AUTS2: variants seen among roughly 807,000 people sequenced by gnomAD.
AUTS2 encodes the protein autism susceptibility gene 2 protein.
In AUTS2, 17 loss-of-function variants were observed where a neutral mutation model predicts 112.4. That is an observed-to-expected ratio of 0.15 (90% CI 0.10 to 0.23). AUTS2 has a LOEUF of 0.23. AUTS2 is among the 10% of genes least tolerant of loss of function. The probability of loss-of-function intolerance (pLI) is 1.00; values close to 1 mark genes in which losing one functional copy is unlikely to be tolerated. For synonymous variants in AUTS2, 751 were observed against 702.7 expected, an observed-to-expected ratio of 1.07 and a Z score of -1.09; for missense variants, 1,510 against 1,701.6, an observed-to-expected ratio of 0.89 and a Z score of 1.98.
chr7:70,172,993 G>A (rs940451363), intron 4 of AUTS2, among the ~76,000 whole-genome samples: 1 of 152,144 alleles, frequency 6.6e-6, no homozygotes, highest in Non-Finnish European at 1.5e-5. Context: ...AGGATTCACT[G>A]GCCTGGCCAG....
intron 4 of AUTS2, among the ~76,000 whole-genome samples, chr7:70,164,875 C>G (rs1209444119): frequency 1.3e-5 from 2 of 151,654 alleles, no homozygotes; most frequent in South Asian, 2.1e-4. Flanking sequence ...GGTGACTGTT[C>G]AAGATGTAAA....
At chr7:70,510,533 C>T (rs771772157) in intron 5 of AUTS2, among the ~76,000 whole-genome samples, 2 of 152,236 alleles carry the variant, frequency 1.3e-5, no homozygotes, top group African/African-American at 2.4e-5. Context: ...AAGGCCAAAA[C>T]TATTTTCCCA....
intron 5 of AUTS2, among the ~76,000 whole-genome samples, chr7:70,571,483 T>C (rs148221603): frequency 1.0e-3 from 159 of 152,336 alleles, no homozygotes; most frequent in Middle Eastern, 3.4e-3. Context: ...CAGGACAGGA[T>C]GGAAGACCAG....
rs546376737 is a variant in AUTS2, at chr7:70,471,736, G to A, written c.690+35955G>A. Among the ~76,000 whole-genome samples the A allele has an allele frequency of 2.6e-5, 4 of 152,232 alleles. No individual in the cohort carries two copies. The South Asian group carries it at 8.3e-4, about 32-fold the overall frequency. ...GGAGGGAAATACAGTGGGGAGGGATGCAAGGAAGGCCTTGCTGAGAAGGTG... is the reference window on the plus strand; with the variant it reads ...GGAGGGAAATACAGTGGGGAGGGATACAAGGAAGGCCTTGCTGAGAAGGTG... On this transcript the variant is annotated intron_variant, in intron 5 of 18. Coordinates refer to ENST00000342771, the MANE Select transcript of AUTS2 (RefSeq NM_015570.4).
chr7:70,355,709 G>T (rs540779631), intron 4 of AUTS2, among the ~76,000 whole-genome samples: 1 of 152,230 alleles, frequency 6.6e-6, no homozygotes, highest in African/African-American at 2.4e-5. Flanking sequence ...AAGCTTTATG[G>T]CTCTAGCAGA....
chr7:70,705,218 T>C (rs1809670982), intron 6 of AUTS2, among the ~76,000 whole-genome samples: 1 of 152,224 alleles, frequency 6.6e-6, no homozygotes, highest in Non-Finnish European at 1.5e-5. Context: ...GGAATTTATT[T>C]AACAGAATTT....
intron 1 of AUTS2, among the ~76,000 whole-genome samples, chr7:69,830,090 A>G (rs1184868849): frequency 1.3e-5 from 2 of 152,196 alleles, no homozygotes; most frequent in Non-Finnish European, 1.5e-5. Context: ...TTACAGGGAC[A>G]TGGATGAAGC....
chr7:70,398,343 GAATT>G (rs1228618248), intron 4 of AUTS2, among the ~76,000 whole-genome samples: 5 of 152,142 alleles, frequency 3.3e-5, no homozygotes, highest in African/African-American at 1.2e-4. Flanking sequence ...ACTCTGAGGA[GAATT>G]AATACCTTAT....
chr7:69,817,139 C>T (rs1790797069), intron 1 of AUTS2, among the ~76,000 whole-genome samples: 1 of 152,156 alleles, frequency 6.6e-6, no homozygotes, highest in South Asian at 2.1e-4. Context: ...GGACTCCACA[C>T]CAGTGACAGC....
chr7:70,304,326 T>G (rs1408513097), intron 4 of AUTS2, among the ~76,000 whole-genome samples: 5 of 152,238 alleles, frequency 3.3e-5, no homozygotes, highest in Admixed American at 2.0e-4. Context: ...TTTACTTGAT[T>G]GCTGTTTCAG....
chr7:70,144,645 A>C (rs1271105994), intron 4 of AUTS2, among the ~76,000 whole-genome samples: 1 of 152,128 alleles, frequency 6.6e-6, no homozygotes, highest in Non-Finnish European at 1.5e-5. Flanking sequence ...CAGAACCTCT[A>C]GGTCAGAAGG....
At chr7:70,780,026 TAAA>T (rs60802237) in intron 14 of AUTS2, among the ~76,000 whole-genome samples, 4 of 137,078 alleles carry the variant, frequency 2.9e-5, no homozygotes, top group Admixed American at 7.3e-5. Context: ...CTCATCTCTT[TAAA>T]AAAAAAAAAA....
intron 5 of AUTS2, among the ~76,000 whole-genome samples, chr7:70,586,396 C>T (rs1192704843): frequency 6.6e-6 from 1 of 151,302 alleles, no homozygotes; most frequent in Non-Finnish European, 1.5e-5. Context: ...AAAAATATTT[C>T]ATAATTTAAA....
intron 4 of AUTS2, among the ~76,000 whole-genome samples, chr7:70,274,524 C>G (rs991037083): frequency 6.6e-6 from 1 of 152,238 alleles, no homozygotes; most frequent in Non-Finnish European, 1.5e-5. Context: ...GAACTGAGCT[C>G]AAGCAATCTG....
At chr7:70,707,623 A>G (rs1809808692) in intron 6 of AUTS2, among the ~76,000 whole-genome samples, 1 of 152,128 alleles carries the variant, frequency 6.6e-6, no homozygotes, top group Non-Finnish European at 1.5e-5. Flanking sequence ...TTCCCAAAGT[A>G]TTTAATCTTC....
At chr7:70,018,984 C>G (rs1301864415) in intron 2 of AUTS2, among the ~76,000 whole-genome samples, 3 of 152,122 alleles carry the variant, frequency 2.0e-5, no homozygotes, top group Non-Finnish European at 4.4e-5. Context: ...CAGTACTACT[C>G]ACAGTATCAA....
chr7:69,600,538 CTT>C (rs370612172), intron 1 of AUTS2, among the ~76,000 whole-genome samples: 31 of 85,550 alleles, frequency 3.6e-4, no homozygotes, highest in African/African-American at 1.2e-3. Flanking sequence ...CCCCCATATT[CTT>C]TTTTTTTTTT....
chr7:69,706,443 C>T (rs1798063790), intron 1 of AUTS2, among the ~76,000 whole-genome samples: 1 of 152,136 alleles, frequency 6.6e-6, no homozygotes, highest in Non-Finnish European at 1.5e-5. Flanking sequence ...CTCTTCCTCC[C>T]AGAAGTAGCT....
intron 4 of AUTS2, among the ~76,000 whole-genome samples, chr7:70,384,477 C>T (rs552328674): frequency 1.3e-5 from 2 of 152,340 alleles, no homozygotes; most frequent in Admixed American, 1.3e-4. Flanking sequence ...GCCACTCCTT[C>T]TGCCATCCTA....
Sources: gnomAD v4.1 joint callset for allele counts (sites outside exome capture counted in the v4.1 genomes callset) on GRCh38, gnomAD v4.1.1 for gene constraint, MANE v1.5 for transcripts, NCBI Gene and HGNC (gene_info 2026-07-23, HGNC 2026-07-21) for gene names.